Variants in GARIN4 observed in about 807,000 individuals in gnomAD.
The protein encoded by GARIN4 is Golgi-associated RAB2 interactor protein 4.
At chr1:212,624,863 T>G in the GARIN4 span, 1 of 1,560,812 alleles carries the variant, frequency 6.4e-7, no homozygotes, top group Non-Finnish European at 8.7e-7. Context: ...GCTGCCGTTG[T>G]GCTGAAAGAC....
chr1:212,626,701 C>T, the GARIN4 span: 3 of 1,539,180 alleles, frequency 1.9e-6, no homozygotes, highest in Non-Finnish European at 2.6e-6. Flanking sequence ...GAGCCCAGAG[C>T]TCATGGGAGT....
the GARIN4 span, chr1:212,625,643 A>T: frequency 1.9e-6 from 3 of 1,614,170 alleles, no homozygotes; most frequent in Non-Finnish European, 2.5e-6. Flanking sequence ...TAATGTGCTC[A>T]ATGCATCCAT....
the GARIN4 span, chr1:212,626,710 G>A: frequency 6.5e-7 from 1 of 1,533,760 alleles, no homozygotes; most frequent in East Asian, 2.3e-5. Flanking sequence ...GCTCATGGGA[G>A]TGTCCCTGGA....
the GARIN4 span, chr1:212,626,516 G>A: frequency 6.2e-7 from 1 of 1,614,124 alleles, no homozygotes. Flanking sequence ...CACACCACAT[G>A]GCAGAGATGT....
the GARIN4 span, chr1:212,624,686 C>T: frequency 9.1e-7 from 1 of 1,100,128 alleles, no homozygotes. Context: ...CATCCGTGCT[C>T]CCACCCCCAC....
the GARIN4 span, chr1:212,625,009 G>A: frequency 6.8e-6 from 11 of 1,614,040 alleles, no homozygotes; most frequent in Middle Eastern, 1.6e-4. Context: ...AGTATGCACC[G>A]ATATTTGAGA....
At chr1:212,625,901 G>T in the GARIN4 span, 4 of 1,614,246 alleles carry the variant, frequency 2.5e-6, no homozygotes, top group Non-Finnish European at 3.4e-6. Flanking sequence ...CAGCACGAAG[G>T]TGGCTGTGGC....
the GARIN4 span, chr1:212,626,251 C>T: frequency 6.2e-7 from 1 of 1,614,188 alleles, no homozygotes; most frequent in Non-Finnish European, 8.5e-7. Flanking sequence ...CCCAAAAGTC[C>T]TCCAGCAGGT....
At chr1:212,624,859 G>A in the GARIN4 span, 4,397 of 1,555,384 alleles carry the variant, frequency 2.8e-3, 8 homozygotes, top group Non-Finnish European at 3.6e-3. Flanking sequence ...CAGTGCTGCC[G>A]TTGTGCTGAA....
chr1:212,626,538 C>T, the GARIN4 span: 19 of 1,614,138 alleles, frequency 1.2e-5, no homozygotes, highest in East Asian at 2.5e-4. Context: ...AACGTCATGG[C>T]TAAGATGGCG....
the GARIN4 span, chr1:212,624,508 A>G: frequency 2.5e-5 from 4 of 161,350 alleles, no homozygotes; most frequent in Non-Finnish European, 5.4e-5. Flanking sequence ...CTAGGACTAC[A>G]GTTTGTAGTC....
chr1:212,625,790 C>T, the GARIN4 span: 1 of 1,614,166 alleles, frequency 6.2e-7, no homozygotes, highest in Non-Finnish European at 8.5e-7. Context: ...CAATTCTGCC[C>T]CTGGACAGGT....
At chr1:212,625,983 G>A in the GARIN4 span, 1 of 1,614,266 alleles carries the variant, frequency 6.2e-7, no homozygotes, top group Non-Finnish European at 8.5e-7. Flanking sequence ...GGCAGTGTGA[G>A]CCTGGCCATT....
the GARIN4 span, chr1:212,625,044 G>A: frequency 1.2e-6 from 2 of 1,614,172 alleles, no homozygotes; most frequent in South Asian, 1.1e-5. Context: ...ATCACCAAAA[G>A]GGGAGAAGTG....
At chr1:212,626,618 A>T in the GARIN4 span, 2 of 1,612,880 alleles carry the variant, frequency 1.2e-6, no homozygotes, top group Non-Finnish European at 1.7e-6. Context: ...GGTTGGTTCT[A>T]TGACACCGGA....
At chr1:212,626,032 A>G in the GARIN4 span, 3 of 1,614,256 alleles carry the variant, frequency 1.9e-6, no homozygotes, top group Non-Finnish European at 2.5e-6. Context: ...CTGCAGAAGC[A>G]GACATGGATG....
chr1:212,626,733 G>A, the GARIN4 span: 2 of 1,521,376 alleles, frequency 1.3e-6, no homozygotes, highest in East Asian at 2.3e-5. Context: ...GCCTATTCCA[G>A]CGTTCTTTAC....
At chr1:212,624,762 A>G in the GARIN4 span, 1 of 1,434,482 alleles carries the variant, frequency 7.0e-7, no homozygotes, top group Admixed American at 2.9e-5. Flanking sequence ...TTGAGAGACC[A>G]GCTGCAGAGA....
chr1:212,624,697 C>T, the GARIN4 span: 1 of 1,228,858 alleles, frequency 8.1e-7, no homozygotes, highest in East Asian at 2.6e-5. Context: ...CCACCCCCAC[C>T]CCGGCCTCTG....
Sources: allele counts gnomAD v4.1 joint callset, GRCh38; gene constraint gnomAD v4.1.1; transcripts MANE v1.5; gene names NCBI Gene and HGNC (gene_info 2026-07-23, HGNC 2026-07-21).